CSGALNACT1: variants seen among roughly 807,000 people sequenced by gnomAD.
CSGALNACT1 encodes beta4GalNAcT-1.
In CSGALNACT1, 52 loss-of-function variants were observed where a neutral mutation model predicts 51.0. The ratio of observed to expected loss-of-function variants is 1.02; its 90% CI spans 0.82 to 1.29. The LOEUF is 1.29. Among genes scored for constraint, CSGALNACT1 ranks in the 50% most tolerant of loss-of-function variants. CSGALNACT1 has a pLI of 0.00. For missense variants in CSGALNACT1, 935 were observed against 679.2 expected (o/e 1.38, Z -4.19); for synonymous variants, 341 against 254.4 (o/e 1.34, Z -3.24).
rs1312237922 is a variant in CSGALNACT1 at position 19,667,007 on chromosome 8, G to GA, written c.-544+15465dup. On this transcript the variant is annotated intron_variant, in intron 1 of 9. Transcript: ENST00000332246. ...AGAAAGAAAGAAAGAAAGAAAGAAAGAAAGAAAGAAAGGAAGGAAGGAAGG... is the reference window on the plus strand; with the variant it reads ...AGAAAGAAAGAAAGAAAGAAAGAAAGAAAAGAAAGAAAGGAAGGAAGGAAGG... 1.9e-3 allele frequency among the ~76,000 whole-genome samples: 59 copies of GA among 31,672 alleles called. 5 individuals carry two copies. The highest frequency in any genetic ancestry group is 7.9e-3 in the African/African-American group (38 of 4,792). 20.8% of individuals were successfully genotyped at this position (31,672 alleles called of 152,430 possible).
intron 4 of CSGALNACT1, among the ~76,000 whole-genome samples, chr8:19,498,953 A>G (rs2075956488): frequency 6.6e-6 from 1 of 152,054 alleles, no homozygotes; most frequent in African/African-American, 2.4e-5. Flanking sequence ...ATCTCTATCA[A>G]AAGGTTTAAA....
intron 1 of CSGALNACT1, among the ~76,000 whole-genome samples, chr8:19,613,038 A>G (rs1048797565): frequency 1.4e-5 from 2 of 146,154 alleles, no homozygotes; most frequent in African/African-American, 2.5e-5. Context: ...GAATTTTCAT[A>G]TCCATATTTT....
intron 1 of CSGALNACT1, among the ~76,000 whole-genome samples, chr8:19,628,756 C>T (rs1436049817): frequency 6.6e-6 from 1 of 151,838 alleles, no homozygotes; most frequent in Non-Finnish European, 1.5e-5. Flanking sequence ...GCTGGGATTA[C>T]ATGCATGACC....
intron 1 of CSGALNACT1, among the ~76,000 whole-genome samples, chr8:19,691,191 G>C (rs970151340): frequency 1.3e-5 from 2 of 152,212 alleles, no homozygotes; most frequent in East Asian, 3.9e-4. Context: ...AAAACAGATA[G>C]GTCTGAGTGT....
chr8:19,662,064 ACCCCCCCCCAC>A (rs2058792378), intron 1 of CSGALNACT1, among the ~76,000 whole-genome samples: 1 of 37,112 alleles, frequency 2.7e-5, no homozygotes. Flanking sequence ...AGTTGCCCCC[ACCCCCCCCCAC>A]CCCCCCCCCC....
At chr8:19,458,301 CAG>C (rs1176063769) in intron 5 of CSGALNACT1, 123 bp downstream of exon 4, 14 of 887,490 alleles carry the variant, frequency 1.6e-5, no homozygotes, top group Non-Finnish European at 2.5e-5. Context: ...GTGGAGAAAA[CAG>C]AGCTGAATAA....
chr8:19,443,653 C>T (rs544599719), intron 5 of CSGALNACT1, among the ~76,000 whole-genome samples: 10 of 152,164 alleles, frequency 6.6e-5, no homozygotes, highest in Admixed American at 2.0e-4. Context: ...AAACTGCACT[C>T]GTGATTCAAT....
chr8:19,717,241 A>G (rs2062861066), intron 1 of CSGALNACT1, among the ~76,000 whole-genome samples: 1 of 152,228 alleles, frequency 6.6e-6, no homozygotes, highest in East Asian at 1.9e-4. Context: ...GTGAAGCCAC[A>G]CCAGTTAAAA....
At chr8:19,506,040 G>A in exon 4 of CSGALNACT1, 1 of 707,934 alleles carries the variant, frequency 1.4e-6, no homozygotes, top group Non-Finnish European at 2.5e-6. Context: ...TGATCTTGCA[G>A]GCAGAAGCAA....
At chr8:19,549,771 C>T (rs1290710942) in intron 3 of CSGALNACT1, among the ~76,000 whole-genome samples, 2 of 145,790 alleles carry the variant, frequency 1.4e-5, no homozygotes, top group Non-Finnish European at 3.0e-5. Context: ...CTGAAAATAT[C>T]CCTATTCTAC....
At chr8:19,690,816 G>C (rs2061268660) in intron 1 of CSGALNACT1, among the ~76,000 whole-genome samples, 1 of 152,178 alleles carries the variant, frequency 6.6e-6, no homozygotes, top group Non-Finnish European at 1.5e-5. Flanking sequence ...GGGTAATTTG[G>C]GAAATTAGAG....
At chr8:19,585,918 C>T (rs918140511) in intron 3 of CSGALNACT1, among the ~76,000 whole-genome samples, 24 of 152,304 alleles carry the variant, frequency 1.6e-4, no homozygotes, top group African/African-American at 5.8e-4. Flanking sequence ...CCTGCAAGTC[C>T]AGATTTGCAA....
chr8:19,704,117 T>A (rs1260335283), intron 1 of CSGALNACT1, among the ~76,000 whole-genome samples: 1 of 152,256 alleles, frequency 6.6e-6, no homozygotes, highest in African/African-American at 2.4e-5. Context: ...GCTTGATGGT[T>A]AATTACATAA....
intron 6 of CSGALNACT1, among the ~76,000 whole-genome samples, chr8:19,432,824 C>A (rs191203841): frequency 4.9e-4 from 75 of 152,196 alleles, no homozygotes; most frequent in Admixed American, 4.3e-3. Context: ...TTTAGTATAG[C>A]ATGTTTTTCA....
chr8:19,463,326 C>T (rs2153829792), intron 4 of CSGALNACT1, among the ~76,000 whole-genome samples: 1 of 152,200 alleles, frequency 6.6e-6, no homozygotes, highest in East Asian at 1.9e-4. Context: ...CTAAGTCCAG[C>T]AAAAGCCATA....
intron 3 of CSGALNACT1, among the ~76,000 whole-genome samples, chr8:19,529,342 GGGCATTT>G (rs1163816266): frequency 2.6e-5 from 4 of 152,268 alleles, no homozygotes; most frequent in Admixed American, 1.3e-4. Context: ...GAGAAGACCA[GGGCATTT>G]GTGCAACTGA....
intron 5 of CSGALNACT1, among the ~76,000 whole-genome samples, chr8:19,451,356 T>G (rs934293873): frequency 6.6e-6 from 1 of 152,230 alleles, no homozygotes; most frequent in African/African-American, 2.4e-5. Flanking sequence ...CCCATATTGT[T>G]ATTGAGTCCT....
In CSGALNACT1 at chr8:19,597,279, T is replaced by G. The variant is rs1323530149; in HGVS notation, c.-416+4492A>C. 3.1e-5 allele frequency among the ~76,000 whole-genome samples: 4 copies of G among 127,846 alleles called. No homozygotes were observed. In the East Asian group the frequency reaches 1.0e-3, roughly 32 times the overall value. 83.9% of individuals were successfully genotyped at this position (127,846 alleles called of 152,430 possible). A position where few individuals can be genotyped will look rare whatever the true frequency, so the allele number is the denominator to read the frequency against. ...ATATTGGGTTGGGGCTGCCTCTATC[T>G]TCTTTCTTTTTTTTTTTTTTTTTTT... On this transcript the variant is annotated intron_variant, in intron 2 of 9. Coordinates refer to ENST00000454498, the Ensembl canonical transcript of CSGALNACT1.
chr8:19,666,983 GAAAGAAAGAAAGAAAGAAAGAAAGAAA>G (rs2059346241), intron 1 of CSGALNACT1, among the ~76,000 whole-genome samples: 1 of 18,922 alleles, frequency 5.3e-5, no homozygotes, highest in African/African-American at 3.3e-4. Context: ...AAGAAAGAAA[GAAAGAAAGAAAGAAAGAAAGAAAGAAA>G]GAAAGAAAGG....
Sources: gnomAD v4.1 joint callset for allele counts (sites outside exome capture counted in the v4.1 genomes callset) on GRCh38, gnomAD v4.1.1 for gene constraint, MANE v1.5 for transcripts, NCBI Gene and HGNC (gene_info 2026-07-23, HGNC 2026-07-21) for gene names.